Variants in RIMS1 observed in about 807,000 individuals in gnomAD.
RIMS1 encodes the protein regulating synaptic membrane exocytosis protein 1.
Under a neutral mutation model 214.1 loss-of-function variants are expected in RIMS1, and 83 were observed. The observed-to-expected ratio is 0.39, with a 90% CI of 0.32 to 0.47. The LOEUF (loss-of-function observed/expected upper bound fraction) is 0.47. Among genes scored for constraint, RIMS1 ranks in the 20% least tolerant of loss-of-function variants. The probability of loss-of-function intolerance (pLI) is 0.99; values close to 1 mark genes in which losing one functional copy is unlikely to be tolerated. For missense variants in RIMS1, 2,050 were observed against 2,161.8 expected (o/e 0.95, Z 1.03); for synonymous variants, 793 against 786.8 (o/e 1.01, Z -0.13).
chr6:72,249,123 A>G (rs2071757399), intron 12 of RIMS1, among the ~76,000 whole-genome samples: 2 of 152,306 alleles, frequency 1.3e-5, no homozygotes, highest in African/African-American at 4.8e-5. Flanking sequence ...CCTATGTTAA[A>G]TTAGTTTATT....
chr6:72,303,533 T>C (rs2094845992), intron 26 of RIMS1, among the ~76,000 whole-genome samples: 1 of 151,400 alleles, frequency 6.6e-6, no homozygotes, highest in Non-Finnish European at 1.5e-5. Flanking sequence ...TTATCTTGCA[T>C]ACTCCAGTCA....
chr6:72,073,193 T>C (rs1830988318), intron 2 of RIMS1, among the ~76,000 whole-genome samples: 1 of 152,168 alleles, frequency 6.6e-6, no homozygotes, highest in South Asian at 2.1e-4. Context: ...GGGTTTTGTT[T>C]TTGTGTTTTA....
chr6:72,213,555 G>A (rs1198290279), intron 6 of RIMS1, among the ~76,000 whole-genome samples: 2 of 151,852 alleles, frequency 1.3e-5, no homozygotes, highest in Non-Finnish European at 2.9e-5. Flanking sequence ...AAAAATAGCA[G>A]GCTACCTAAT....
intron 2 of RIMS1, among the ~76,000 whole-genome samples, chr6:71,993,866 G>A (rs892057656): frequency 6.6e-6 from 1 of 152,072 alleles, no homozygotes; most frequent in Non-Finnish European, 1.5e-5. Context: ...GCTCAGATAT[G>A]CACACAATAT....
chr6:71,906,206 C>T (rs1178083103), intron 1 of RIMS1, among the ~76,000 whole-genome samples: 1 of 152,116 alleles, frequency 6.6e-6, no homozygotes, highest in African/African-American at 2.4e-5. Flanking sequence ...GGACACAAAC[C>T]TCCTAACAGT....
intron 6 of RIMS1, among the ~76,000 whole-genome samples, chr6:72,192,396 T>C (rs1470660549): frequency 6.6e-6 from 1 of 152,186 alleles, no homozygotes; most frequent in Non-Finnish European, 1.5e-5. Context: ...TTGTCGATAG[T>C]GTAGTGGGGT....
chr6:72,396,902 A>G (rs1036477586), intron 31 of RIMS1, among the ~76,000 whole-genome samples: 14 of 152,106 alleles, frequency 9.2e-5, no homozygotes, highest in Admixed American at 2.0e-4. Context: ...AGTCCCAGCT[A>G]CTCAGGAGAC....
At chr6:72,254,346 G>A (rs2074851696) in intron 16 of RIMS1, among the ~76,000 whole-genome samples, 2 of 151,978 alleles carry the variant, frequency 1.3e-5, no homozygotes, top group Non-Finnish European at 2.9e-5. Context: ...TTCTTAGAAG[G>A]CCATAGTAAT....
At chr6:72,083,875 T>C (rs909436877) in intron 2 of RIMS1, among the ~76,000 whole-genome samples, 15 of 152,148 alleles carry the variant, frequency 9.9e-5, no homozygotes, top group African/African-American at 3.6e-4. Flanking sequence ...CTAGATTTGA[T>C]CCTGACCAGG....
At chr6:72,000,688 G>A (rs1351993180) in intron 2 of RIMS1, among the ~76,000 whole-genome samples, 2 of 152,088 alleles carry the variant, frequency 1.3e-5, no homozygotes, top group Admixed American at 6.6e-5. Flanking sequence ...ATTCAAGTCT[G>A]CCCCATCTAG....
At chr6:72,159,329 T>G (rs2044942768) in intron 4 of RIMS1, among the ~76,000 whole-genome samples, 1 of 140,742 alleles carries the variant, frequency 7.1e-6, no homozygotes, top group African/African-American at 2.5e-5. Flanking sequence ...AAAAATTTTC[T>G]CCCATTCTGT....
At chr6:72,354,197 G>T (rs746504245) in intron 29 of RIMS1, among the ~76,000 whole-genome samples, 11 of 152,194 alleles carry the variant, frequency 7.2e-5, no homozygotes, top group Non-Finnish European at 1.2e-4. Context: ...TCCAGCCTGG[G>T]CAACAGAGTG....
chr6:72,208,942 G>C (rs1033435280), intron 6 of RIMS1, among the ~76,000 whole-genome samples: 1 of 152,106 alleles, frequency 6.6e-6, no homozygotes, highest in East Asian at 1.9e-4. Context: ...CCATATGGTT[G>C]GGTCAGGGTC....
At chr6:72,157,715 CA>C (rs1449192965) in intron 4 of RIMS1, among the ~76,000 whole-genome samples, 1 of 140,500 alleles carries the variant, frequency 7.1e-6, no homozygotes, top group East Asian at 2.0e-4. Flanking sequence ...GTTGTTTACA[CA>C]GTCCATTGTG....
In RIMS1 at chr6:72,251,277, A is replaced by T; in HGVS notation, c.2607A>T (p.Thr869=). The T allele has an allele frequency of 6.3e-7, 1 of 1,598,710 alleles. No homozygotes were observed. Among genetic ancestry groups the T allele is most frequent in the East Asian group, 2.3e-5 (1 of 44,312 alleles). The change falls in exon 15 of 34, where the codon ACA becomes ACT. Residue 869 remains threonine, a synonymous_variant. Coordinates refer to ENST00000521978, the MANE Select transcript of RIMS1 (RefSeq NM_014989.7). ...DDEPHWYKLQ[T]HDESSLPLPQ... is the part of the protein sequence containing the mutation. ...AACCGCATTGGTATAAACTTCAGAC[A>T]CATGATGAGTCTTCACTACCTCTGC...
chr6:71,936,200 G>C (rs1293028199), intron 1 of RIMS1, among the ~76,000 whole-genome samples: 1 of 151,302 alleles, frequency 6.6e-6, no homozygotes, highest in African/African-American at 2.4e-5. Flanking sequence ...GGTAGCGGGC[G>C]CCTGTAGTCC....
intron 24 of RIMS1, among the ~76,000 whole-genome samples, chr6:72,287,507 C>T (rs904513241): frequency 1.6e-4 from 24 of 151,920 alleles, no homozygotes; most frequent in Admixed American, 1.5e-3. Context: ...ATGGATTGAA[C>T]TTAGTGGTAA....
chr6:71,905,147 T>C (rs554816199), intron 1 of RIMS1, among the ~76,000 whole-genome samples: 2 of 152,194 alleles, frequency 1.3e-5, no homozygotes, highest in South Asian at 4.1e-4. Context: ...TTGGTGTGGG[T>C]GCCTTCTGTT....
chr6:72,080,570 C>T (rs1833113224), intron 2 of RIMS1, among the ~76,000 whole-genome samples: 1 of 152,320 alleles, frequency 6.6e-6, no homozygotes, highest in Non-Finnish European at 1.5e-5. Flanking sequence ...CCAATGGCTT[C>T]CCATTCACCC....
Sources: allele counts gnomAD v4.1 joint callset (sites outside exome capture counted in the v4.1 genomes callset), GRCh38; gene constraint gnomAD v4.1.1; transcripts MANE v1.5; gene names NCBI Gene and HGNC (gene_info 2026-07-23, HGNC 2026-07-21).